The following DISC1 variants were observed in gnomAD, a reference collection of about 807,000 sequenced individuals.
The protein encoded by DISC1 is DISC1 scaffold protein.
A neutral mutation model predicts 84.5 loss-of-function variants in DISC1; 57 were observed. The observed-to-expected ratio is 0.67, with a 90% confidence interval of 0.55 to 0.84. The LOEUF (loss-of-function observed/expected upper bound fraction) is 0.84. DISC1 is among the 40% of genes least tolerant of loss of function. The probability of loss-of-function intolerance (pLI) is 0.00; values close to 1 mark genes in which losing one functional copy is unlikely to be tolerated. For missense variants in DISC1, 1,000 were observed against 1,057.8 expected, an observed-to-expected ratio of 0.95 and a Z score of 0.76; for synonymous variants, 411 against 415.2, an observed-to-expected ratio of 0.99 and a Z score of 0.12.
At chr1:231,697,731 G>A (rs907571152) in intron 2 of DISC1, among the ~76,000 whole-genome samples, 1 of 150,938 alleles carries the variant, frequency 6.6e-6, no homozygotes, top group African/African-American at 2.4e-5. Flanking sequence ...TTACAGGCAT[G>A]AGCCACCATG....
intron 9 of DISC1, among the ~76,000 whole-genome samples, chr1:231,898,018 A>G (rs577932681): frequency 6.6e-6 from 1 of 152,264 alleles, no homozygotes; most frequent in African/African-American, 2.4e-5. Flanking sequence ...GCTGCCCTCA[A>G]GAGACTTATA....
chr1:231,780,230 A>C (rs1488809638), intron 6 of DISC1, among the ~76,000 whole-genome samples: 1 of 116,152 alleles, frequency 8.6e-6, no homozygotes, highest in Non-Finnish European at 1.8e-5. Flanking sequence ...TAAAACTTAA[A>C]GTATAATAAA....
chr1:231,668,378 C>G (rs951504635), intron 1 of DISC1, among the ~76,000 whole-genome samples: 1 of 152,120 alleles, frequency 6.6e-6, no homozygotes, highest in African/African-American at 2.4e-5. Context: ...CTGTTGAACT[C>G]CTGTCTTCCT....
At chr1:231,990,543 T>C (rs1665069901) in intron 10 of DISC1, among the ~76,000 whole-genome samples, 1 of 152,226 alleles carries the variant, frequency 6.6e-6, no homozygotes, top group Admixed American at 6.5e-5. Flanking sequence ...TCACTGCTTC[T>C]GTGTACTTGG....
At chr1:231,801,898 A>G (rs2125652312) in intron 8 of DISC1, among the ~76,000 whole-genome samples, 1 of 150,522 alleles carries the variant, frequency 6.6e-6, no homozygotes, top group African/African-American at 2.4e-5. Flanking sequence ...GGCTCACTGC[A>G]AGCTCTGCCT....
chr1:231,873,656 A>G (rs9431708), intron 9 of DISC1, among the ~76,000 whole-genome samples: 75,937 of 152,022 alleles, frequency 0.5, 19,125 homozygotes, highest in African/African-American at 0.53. Context: ...ATTTCCAGCT[A>G]TCAAGGAAAA....
chr1:231,970,061 C>T (rs4454534), intron 10 of DISC1, among the ~76,000 whole-genome samples: 4,809 of 152,190 alleles, frequency 0.032, 249 homozygotes, highest in African/African-American at 0.11. Context: ...AATAAACATA[C>T]GTGTGCATGT....
rs113625691 is a variant in DISC1, at chr1:231,793,791, C to A, written c.1635-1451C>A. 2.9e-3 allele frequency among the ~76,000 whole-genome samples: 442 copies of A among 152,298 alleles called. 2 individuals are homozygous for A. Among genetic ancestry groups the A allele is most frequent in the African/African-American group, 0.01 (418 of 41,552 alleles). On this transcript the variant is annotated intron_variant, in intron 6 of 12. Coordinates refer to ENST00000439617, the MANE Select transcript of DISC1 (RefSeq NM_018662.3). ...GTCTGGCATTTAATACTGACTAGAG[C>A]TTGCCCTTGATATTTCTTTAAAAAT...
chr1:231,864,807 C>G (rs2084938898), intron 9 of DISC1, among the ~76,000 whole-genome samples: 1 of 152,142 alleles, frequency 6.6e-6, no homozygotes, highest in South Asian at 2.1e-4. Context: ...ATTGTTCCTT[C>G]CAATTTTATT....
chr1:232,025,787 A>G lies in DISC1; in HGVS notation c.2308-648A>G, dbSNP rs548466250. On this transcript the variant is annotated intron_variant, in intron 11 of 12. Coordinates refer to ENST00000439617, the MANE Select transcript of DISC1 (RefSeq NM_018662.3). The stretch of plus-strand genomic sequence containing the variant: ...AATTTTTTGTATTCTTAGTAAAGAC[A>G]GGGTTTCACCGTGTTAGCCAGGATG... Among the ~76,000 whole-genome samples the G allele has an allele frequency of 5.3e-5, 8 of 152,154 alleles. No homozygotes were observed. In the South Asian group the frequency reaches 6.2e-4, roughly 12 times the overall value.
chr1:231,947,980 G>A (rs1443083879), intron 9 of DISC1, among the ~76,000 whole-genome samples: 11 of 152,144 alleles, frequency 7.2e-5, no homozygotes. Flanking sequence ...GAGGGAGTGG[G>A]GAAATAGGGA....
chr1:231,935,642 A>G (rs144226652), intron 9 of DISC1, among the ~76,000 whole-genome samples: 9 of 152,324 alleles, frequency 5.9e-5, no homozygotes, highest in African/African-American at 2.2e-4. Context: ...CGTACCTTAT[A>G]CAGGGTTTGG....
At chr1:231,887,554 C>G (rs1267189600) in intron 9 of DISC1, among the ~76,000 whole-genome samples, 2 of 152,184 alleles carry the variant, frequency 1.3e-5, no homozygotes, top group East Asian at 3.9e-4. Flanking sequence ...AATCCCTATC[C>G]CCACACTTTT....
intron 9 of DISC1, among the ~76,000 whole-genome samples, chr1:231,837,198 A>G (rs2082687078): frequency 6.6e-6 from 1 of 152,162 alleles, no homozygotes; most frequent in Non-Finnish European, 1.5e-5. Flanking sequence ...AGTTTACCAT[A>G]TGTTTCAAAG....
intron 9 of DISC1, among the ~76,000 whole-genome samples, chr1:231,902,761 C>T (rs1417269041): frequency 6.6e-6 from 1 of 152,128 alleles, no homozygotes; most frequent in African/African-American, 2.4e-5. Flanking sequence ...ATTTGTCAGT[C>T]CTTGATATGT....
intron 9 of DISC1, among the ~76,000 whole-genome samples, chr1:231,821,714 C>CTTTTT (rs200487656): frequency 2.2e-5 from 3 of 137,256 alleles, no homozygotes; most frequent in East Asian, 2.1e-4. Context: ...GCTACATCTG[C>CTTTTT]TTTTTTTTTT....
At chr1:231,813,174 A>G (rs543230114) in intron 8 of DISC1, 4 of 152,270 alleles carry the variant, frequency 2.6e-5, no homozygotes, top group Admixed American at 6.5e-5. Context: ...CTCGCTCTGT[A>G]TATATAGTCT....
At chr1:231,838,999 C>T (rs1001130679) in intron 9 of DISC1, among the ~76,000 whole-genome samples, 4 of 144,270 alleles carry the variant, frequency 2.8e-5, no homozygotes, top group African/African-American at 1.0e-4. Flanking sequence ...GCAAATAGGG[C>T]ACGATGTGTT....
At chr1:231,776,210 A>G (rs2076952941) in intron 6 of DISC1, among the ~76,000 whole-genome samples, 1 of 152,196 alleles carries the variant, frequency 6.6e-6, no homozygotes, top group Non-Finnish European at 1.5e-5. Flanking sequence ...GAATAATTAT[A>G]GTAATAATCA....
Sources: gnomAD v4.1 joint callset for allele counts (sites outside exome capture counted in the v4.1 genomes callset) on GRCh38, gnomAD v4.1.1 for gene constraint, MANE v1.5 for transcripts, NCBI Gene and HGNC (gene_info 2026-07-23, HGNC 2026-07-21) for gene names.